ASIC2: variants seen among roughly 807,000 people sequenced by gnomAD.
ASIC2 encodes acid sensing ion channel subunit 2.
Under a neutral mutation model 57.3 loss-of-function variants are expected in ASIC2, and 25 were observed. That is an observed-to-expected ratio of 0.44 (90% CI 0.32 to 0.61). The LOEUF is 0.61. ASIC2 is among the 20% of genes least tolerant of loss of function. The pLI, the probability that ASIC2 is intolerant of heterozygous loss-of-function variation, is 0.06. For missense variants in ASIC2, 641 were observed against 738.1 expected (o/e 0.87, Z 1.52); for synonymous variants, 319 against 307.5 (o/e 1.04, Z -0.39).
In ASIC2 at chr17:33,220,228, G is replaced by C. The variant is rs1010158981; in HGVS notation, c.708+71180C>G. Among the ~76,000 whole-genome samples the C allele has an allele frequency of 2.6e-5, 4 of 152,188 alleles. No individual in the cohort carries two copies. In the East Asian group the frequency reaches 7.7e-4, roughly 29 times the overall value. Reference sequence around the variant, plus strand: ...GTGTTTACATGCCTCCAGGGATAGGGAGTTGGCTACCTCACAAAGCATTCT... The same window carrying C: ...GTGTTTACATGCCTCCAGGGATAGGCAGTTGGCTACCTCACAAAGCATTCT... On this transcript the variant is annotated intron_variant, in intron 1 of 9. Transcript: ENST00000225823.
At chr17:33,628,943 C>A (rs535594329) in intron 1 of ASIC2, among the ~76,000 whole-genome samples, 8 of 152,174 alleles carry the variant, frequency 5.3e-5, no homozygotes, top group Non-Finnish European at 1.0e-4. Context: ...CACGTGGGAG[C>A]CCTCAGCACA....
At position 34,156,142 on chromosome 17, in the gene ASIC2, G is replaced by A; in HGVS notation, c.391C>T (p.Pro131Ser). 1 of 1,614,054 alleles carries A rather than the reference G, an allele frequency of 6.2e-7. No individual in the cohort carries two copies. Among genetic ancestry groups the A allele is most frequent in the Non-Finnish European group, 8.5e-7 (1 of 1,180,014 alleles). Residue 131 changes from proline (P) to serine (S), a missense_variant, in exon 1 of 10, where the codon CCC (proline) becomes TCC (serine). Physicochemically the swap from Pro to Ser is moderately conservative, Grantham distance 74 (BLOSUM62 -1). Transcript: ENST00000359872. The surrounding 1 kb of genome is among the most constrained non-coding windows in gnomAD (Gnocchi z 4.4). Reference sequence around the variant, plus strand: ...TGCCGCAGGGCCTCCAGCACGGAGGGGTCAGCCAGATGGGGGTCCGGGATC... The same window carrying A: ...TGCCGCAGGGCCTCCAGCACGGAGGAGTCAGCCAGATGGGGGTCCGGGATC...
intron 1 of ASIC2, among the ~76,000 whole-genome samples, chr17:33,477,101 C>G (rs1300307401): frequency 6.6e-6 from 1 of 151,972 alleles, no homozygotes; most frequent in Non-Finnish European, 1.5e-5. Flanking sequence ...AATCTTATTC[C>G]ATTGTATAGC....
chr17:33,822,783 C>A (rs1267996231), intron 1 of ASIC2, among the ~76,000 whole-genome samples: 1 of 152,090 alleles, frequency 6.6e-6, no homozygotes, highest in African/African-American at 2.4e-5. Context: ...TAGGTTTACT[C>A]AAAATTAGGG....
chr17:33,887,109 T>C (rs1244702947), intron 1 of ASIC2, among the ~76,000 whole-genome samples: 4 of 152,194 alleles, frequency 2.6e-5, no homozygotes, highest in Non-Finnish European at 4.4e-5. Context: ...CTAGTACCCA[T>C]GTGGGAGAAG....
At chr17:33,420,548 C>A (rs1236030291) in intron 1 of ASIC2, among the ~76,000 whole-genome samples, 1 of 152,098 alleles carries the variant, frequency 6.6e-6, no homozygotes, top group Non-Finnish European at 1.5e-5. Context: ...ATGGTACTAC[C>A]AGAAATACCA....
rs559607573 is a variant in ASIC2 at position 33,900,254 on chromosome 17, G to A, written c.555+255724C>T. Reference sequence around the variant, plus strand: ...AGTTTAATCTGGAGAGAAGGGCAGAGTTCACCATCTTCATCCCCTAGATGG... The same window carrying A: ...AGTTTAATCTGGAGAGAAGGGCAGAATTCACCATCTTCATCCCCTAGATGG... On this transcript the variant is annotated intron_variant, in intron 1 of 9. Coordinates refer to the ASIC2 transcript ENST00000359872. 2.6e-4 allele frequency among the ~76,000 whole-genome samples: 39 copies of A among 152,330 alleles called. No individual in the cohort carries two copies. In the South Asian group the frequency reaches 7.7e-3, roughly 30 times the overall value.
At chr17:33,281,856 A>C (rs1365838183) in intron 1 of ASIC2, among the ~76,000 whole-genome samples, 2 of 152,190 alleles carry the variant, frequency 1.3e-5, no homozygotes, top group Non-Finnish European at 2.9e-5. Flanking sequence ...CCACCCAGCC[A>C]ACATAATACC....
At chr17:33,462,751 A>G (rs1377017595) in intron 1 of ASIC2, among the ~76,000 whole-genome samples, 1 of 152,222 alleles carries the variant, frequency 6.6e-6, no homozygotes, top group Non-Finnish European at 1.5e-5. Flanking sequence ...ATTCAGAAGG[A>G]TCTGGAGGTA....
chr17:34,143,046 G>A (rs1334401504), intron 1 of ASIC2: 2 of 152,216 alleles, frequency 1.3e-5, no homozygotes, highest in Non-Finnish European at 2.9e-5. Flanking sequence ...AAGAGAGAAT[G>A]AAGAATTAGT....
intron 1 of ASIC2, among the ~76,000 whole-genome samples, chr17:34,020,097 A>AT (rs1216065281): frequency 2.6e-5 from 4 of 152,204 alleles, no homozygotes; most frequent in Non-Finnish European, 5.9e-5. Context: ...ATCTCTTGAT[A>AT]TTTTTTGCAA....
intron 1 of ASIC2, among the ~76,000 whole-genome samples, chr17:33,127,202 C>T (rs1244296489): frequency 2.6e-5 from 4 of 152,292 alleles, no homozygotes; most frequent in African/African-American, 4.8e-5. Flanking sequence ...GCTAGAGAAG[C>T]GGTGGCAGAA....
intron 1 of ASIC2, among the ~76,000 whole-genome samples, chr17:34,145,564 T>C (rs1912393832): frequency 6.6e-6 from 1 of 152,212 alleles, no homozygotes; most frequent in Admixed American, 6.5e-5. Context: ...GACAACTCCT[T>C]CTAGTCTGCC....
At chr17:33,850,400 A>G (rs1228918193) in intron 1 of ASIC2, among the ~76,000 whole-genome samples, 2 of 152,234 alleles carry the variant, frequency 1.3e-5, no homozygotes, top group Non-Finnish European at 2.9e-5. Context: ...TCAGAAAGAC[A>G]GTTAATGGGT....
At chr17:33,067,709 GA>G (rs1322209639) in intron 3 of ASIC2, among the ~76,000 whole-genome samples, 1 of 152,138 alleles carries the variant, frequency 6.6e-6, no homozygotes, top group Non-Finnish European at 1.5e-5. Flanking sequence ...TCAATTGCCT[GA>G]AATATAACTG....
chr17:33,875,840 GA>G (rs1383449944), intron 1 of ASIC2, among the ~76,000 whole-genome samples: 1 of 151,912 alleles, frequency 6.6e-6, no homozygotes, highest in Non-Finnish European at 1.5e-5. Context: ...AAGGACCTAA[GA>G]GTGAGTGCTA....
intron 1 of ASIC2, among the ~76,000 whole-genome samples, chr17:33,784,904 A>AT (rs906459123): frequency 2.0e-5 from 3 of 151,752 alleles, no homozygotes; most frequent in East Asian, 1.9e-4. Context: ...GTACTTTATC[A>AT]TTTTTTTTCC....
At chr17:33,863,905 T>TG (rs1416653582) in intron 1 of ASIC2, among the ~76,000 whole-genome samples, 2 of 64,266 alleles carry the variant, frequency 3.1e-5, no homozygotes, top group Non-Finnish European at 7.2e-5. Context: ...TTTTTGTTTT[T>TG]TTTTTTTTTG....
intron 3 of ASIC2, among the ~76,000 whole-genome samples, chr17:33,035,166 A>AT (rs1157087211): frequency 1.3e-5 from 2 of 152,052 alleles, no homozygotes; most frequent in Non-Finnish European, 2.9e-5. Context: ...TAGGGCTTTC[A>AT]TTTTTTTAAA....
Sources: allele counts gnomAD v4.1 joint callset (sites outside exome capture counted in the v4.1 genomes callset), GRCh38; gene constraint gnomAD v4.1.1; non-coding constraint Gnocchi (gnomAD v3.1); transcripts MANE v1.5; gene names NCBI Gene and HGNC (gene_info 2026-07-23, HGNC 2026-07-21).